The following SORCS2 variants were observed in gnomAD, a reference collection of about 807,000 sequenced individuals.
SORCS2 encodes the protein sortilin related VPS10 domain containing receptor 2.
Under a neutral mutation model 141.6 loss-of-function variants are expected in SORCS2, and 100 were observed. That is an observed-to-expected ratio of 0.71 (90% CI 0.60 to 0.83). The LOEUF is 0.83. Ranked by LOEUF, SORCS2 falls within the 40% of genes least tolerant of loss-of-function variation. SORCS2 has a pLI of 0.00. For missense variants in SORCS2, 1,646 were observed against 1,560.2 expected (o/e 1.05, Z -0.93); for synonymous variants, 789 against 676.9 (o/e 1.17, Z -2.57).
chr4:7,239,373 C>A lies in SORCS2; in HGVS notation c.480+46247C>A, dbSNP rs144074926. Among the ~76,000 whole-genome samples, 249 of 152,386 alleles carry A rather than the reference C, an allele frequency of 1.6e-3. 1 individual carries two copies. Among genetic ancestry groups the A allele is most frequent in the African/African-American group, 5.5e-3 (229 of 41,602 alleles). On this transcript the variant is annotated intron_variant, in intron 1 of 26. Coordinates refer to ENST00000507866, the MANE Select transcript of SORCS2 (RefSeq NM_020777.3). ...TGCCAGGAGCAGCTCCCCTGCTGGT[C>A]TCTATACCTGGTTGGAGTCCCCGTG...
chr4:7,638,357 C>A lies in SORCS2; in HGVS notation c.678C>A (p.Asp226Glu). The change falls in exon 4 of 27, where the codon GAC (aspartate) becomes GAA (glutamate). Residue 226 changes from aspartate (D) to glutamate (E), a missense_variant. Physicochemically the swap from Asp to Glu is conservative, Grantham distance 45. Coordinates refer to ENST00000507866, the MANE Select transcript of SORCS2 (RefSeq NM_020777.3). ...KVILVSSSLS[D>E]RDQSLFLSAD... is the part of the protein sequence containing the mutation. ...TCCTTGTCAGCTCCTCACTCAGTGACCGGGACCAGAGCCTATTCCTCAGCG... is the reference window on the plus strand; with the variant it reads ...TCCTTGTCAGCTCCTCACTCAGTGAACGGGACCAGAGCCTATTCCTCAGCG... 1.3e-6 allele frequency: 2 copies of A among 1,525,970 alleles called. No individual in the cohort carries two copies. 94.5% of individuals were successfully genotyped at this position (1,525,970 alleles called of 1,614,324 possible). A position where few individuals can be genotyped will look rare whatever the true frequency, so the allele number is the denominator to read the frequency against.
intron 1 of SORCS2, among the ~76,000 whole-genome samples, chr4:7,389,009 G>A (rs1723681528): frequency 1.3e-5 from 2 of 152,240 alleles, no homozygotes; most frequent in Admixed American, 6.5e-5. Flanking sequence ...AGGCCAAAAG[G>A]CACATGGGCT....
At chr4:7,466,514 T>A (rs1212842939) in intron 2 of SORCS2, among the ~76,000 whole-genome samples, 3 of 152,114 alleles carry the variant, frequency 2.0e-5, no homozygotes, top group African/African-American at 7.2e-5. Context: ...CTGTGTCATC[T>A]CTAACACAGG....
chr4:7,407,514 G>C (rs1334285898), intron 2 of SORCS2, among the ~76,000 whole-genome samples: 1 of 151,850 alleles, frequency 6.6e-6, no homozygotes, highest in Non-Finnish European at 1.5e-5. Context: ...CTCTTTTTTG[G>C]TTTCAAGTTG....
intron 2 of SORCS2, among the ~76,000 whole-genome samples, chr4:7,515,238 C>G (rs138735179): frequency 6.6e-6 from 1 of 152,340 alleles, no homozygotes; most frequent in Non-Finnish European, 1.5e-5. Flanking sequence ...CTCAAGGTCA[C>G]ACAGCTTGTC....
chr4:7,540,272 G>C (rs1194695506), intron 3 of SORCS2, among the ~76,000 whole-genome samples: 1 of 146,306 alleles, frequency 6.8e-6, no homozygotes, highest in Non-Finnish European at 1.5e-5. Context: ...CTCTTGGCCC[G>C]CCTAGGGTTT....
chr4:7,278,310 G>A (rs1392095855), intron 1 of SORCS2, among the ~76,000 whole-genome samples: 2 of 152,200 alleles, frequency 1.3e-5, no homozygotes, highest in Admixed American at 6.5e-5. Flanking sequence ...ATGTCTGCCT[G>A]GTTGGGACGA....
chr4:7,573,508 G>T (rs1397519115), intron 3 of SORCS2, among the ~76,000 whole-genome samples: 2 of 152,158 alleles, frequency 1.3e-5, no homozygotes, highest in Non-Finnish European at 2.9e-5. Context: ...CTGATTTTTT[G>T]TTTGTTTGTT....
At chr4:7,582,591 C>T (rs1432138210) in intron 3 of SORCS2, among the ~76,000 whole-genome samples, 11 of 152,146 alleles carry the variant, frequency 7.2e-5, no homozygotes, top group African/African-American at 2.2e-4. Context: ...CAGAGCAGCT[C>T]CCTCGCTGCA....
chr4:7,327,183 C>A (rs1187258988), intron 1 of SORCS2, among the ~76,000 whole-genome samples: 1 of 152,248 alleles, frequency 6.6e-6, no homozygotes, highest in Non-Finnish European at 1.5e-5. Context: ...AACAGAAATG[C>A]ATCCTCTTCC....
chr4:7,542,459 A>G (rs1237393204), intron 3 of SORCS2, among the ~76,000 whole-genome samples: 1 of 152,206 alleles, frequency 6.6e-6, no homozygotes, highest in Admixed American at 6.5e-5. Flanking sequence ...ACGAAGACAT[A>G]TGGGGAAGAG....
rs1725171075 is a variant in SORCS2 at position 7,409,488 on chromosome 4, A to C, written c.548+13133A>C. On this transcript the variant is annotated intron_variant, in intron 2 of 26. Transcript: ENST00000507866. The stretch of plus-strand genomic sequence containing the variant: ...CAGAGTTTTCACGGCTGGGCTTGGT[A>C]GTCCTTCCTCCCTTGTCTCTGATGT... 1.3e-5 allele frequency among the ~76,000 whole-genome samples: 2 copies of C among 152,330 alleles called. 1 individual carries two copies. The highest frequency in any genetic ancestry group is 6.8e-3 in the Middle Eastern group (2 of 294).
At chr4:7,446,367 C>T (rs978314863) in intron 2 of SORCS2, among the ~76,000 whole-genome samples, 8 of 152,220 alleles carry the variant, frequency 5.3e-5, no homozygotes, top group Admixed American at 3.9e-4. Context: ...TCCGCAGCAT[C>T]AGGGGCTACA....
chr4:7,289,047 C>T (rs987941133), intron 1 of SORCS2, among the ~76,000 whole-genome samples: 6 of 152,166 alleles, frequency 3.9e-5, no homozygotes, highest in African/African-American at 1.4e-4. Flanking sequence ...ATCCCTCTCC[C>T]TTGGGCTTGG....
intron 4 of SORCS2, among the ~76,000 whole-genome samples, chr4:7,639,700 TGTGA>T (rs951798376): frequency 3.3e-5 from 5 of 151,490 alleles, no homozygotes; most frequent in African/African-American, 1.2e-4. Context: ...GGTGTCTGTG[TGTGA>T]ATGTGTGTTC....
At chr4:7,733,285 A>G in intron 23 of SORCS2, 37 bp from the exon 24 acceptor site, 5 of 1,456,684 alleles carry the variant, frequency 3.4e-6, no homozygotes, top group East Asian at 2.7e-5. Flanking sequence ...AGGAGCCTCC[A>G]TGGAGGCCTC....
At chr4:7,602,488 G>C (rs1420928324) in intron 3 of SORCS2, among the ~76,000 whole-genome samples, 2 of 150,158 alleles carry the variant, frequency 1.3e-5, no homozygotes, top group African/African-American at 4.9e-5. Flanking sequence ...GGGCGGCGGG[G>C]CAGAGGCGCT....
At chr4:7,203,082 G>A (rs2108865214) in intron 1 of SORCS2, among the ~76,000 whole-genome samples, 1 of 152,298 alleles carries the variant, frequency 6.6e-6, no homozygotes, top group African/African-American at 2.4e-5. Context: ...CACAGCTAGT[G>A]AGGATCTGAG....
At chr4:7,264,229 G>A (rs1714564419) in intron 1 of SORCS2, among the ~76,000 whole-genome samples, 1 of 152,224 alleles carries the variant, frequency 6.6e-6, no homozygotes, top group African/African-American at 2.4e-5. Flanking sequence ...GTCATCAGAG[G>A]GCAGGTATTT....
Sources: gnomAD v4.1 joint callset for allele counts (sites outside exome capture counted in the v4.1 genomes callset) on GRCh38, gnomAD v4.1.1 for gene constraint, MANE v1.5 for transcripts, NCBI Gene and HGNC (gene_info 2026-07-23, HGNC 2026-07-21) for gene names.